Variants in TSGA10 observed in about 807,000 individuals in gnomAD.
The protein encoded by TSGA10 is testis-specific gene 10 protein.
Under a neutral mutation model 96.6 loss-of-function variants are expected in TSGA10, and 43 were observed. That is an observed-to-expected ratio of 0.44 (90% CI 0.35 to 0.57). The LOEUF (loss-of-function observed/expected upper bound fraction) is 0.57, where lower values mean the gene tolerates loss of function less well. Among genes scored for constraint, TSGA10 ranks in the 20% least tolerant of loss-of-function variants. The probability of loss-of-function intolerance (pLI) is 0.01; values close to 1 mark genes in which losing one functional copy is unlikely to be tolerated. For missense variants in TSGA10, 703 were observed against 834.4 expected, an observed-to-expected ratio of 0.84 and a Z score of 1.94; for synonymous variants, 229 against 269.9, an observed-to-expected ratio of 0.85 and a Z score of 1.48.
At chr2:99,047,100 A>T (rs575017612) in intron 16 of TSGA10, among the ~76,000 whole-genome samples, 48 of 152,272 alleles carry the variant, frequency 3.2e-4, no homozygotes, top group African/African-American at 1.1e-3. Flanking sequence ...CAATCAAAAA[A>T]AGTCCAGGAC....
intron 20 of TSGA10, among the ~76,000 whole-genome samples, chr2:99,001,812 C>G (rs2104786534): frequency 6.6e-6 from 1 of 152,252 alleles, no homozygotes; most frequent in South Asian, 2.1e-4. Context: ...GAGCTAAAAA[C>G]CATGGCGCGA....
intron 2 of TSGA10, among the ~76,000 whole-genome samples, chr2:99,122,909 G>T (rs1253727909): frequency 6.6e-6 from 1 of 152,238 alleles, no homozygotes; most frequent in South Asian, 2.1e-4. Flanking sequence ...TTTCTGGTTA[G>T]AGAAATACTT....
chr2:99,068,944 T>C lies in TSGA10; in HGVS notation c.1162A>G (p.Lys388Glu). ...THNELNDIKQ[K>E]VQDTNLEVNK... is the part of the protein sequence containing the mutation. The stretch of plus-strand genomic sequence containing the variant: ...ACCTCCAAATTAGTATCTTGAACCT[T>C]CTGTTTTATGTCATTAAGTTCATTA... The change falls in exon 15 of 21, where the codon AAG becomes GAG. Residue 388 changes from lysine (K) to glutamate (E), a missense_variant. Coordinates refer to ENST00000393483, the MANE Select transcript of TSGA10 (RefSeq NM_025244.4). The C allele has an allele frequency of 6.8e-7, 1 of 1,477,796 alleles. No individual in the cohort carries two copies. Among genetic ancestry groups the C allele is most frequent in the Non-Finnish European group, 8.9e-7 (1 of 1,119,498 alleles). The allele number at this position is 1,477,796 out of a possible 1,614,324, so 91.5% of individuals were successfully genotyped here. A position where few individuals can be genotyped will look rare whatever the true frequency, so the allele number is the denominator to read the frequency against.
chr2:99,078,267 G>A (rs1252397533), intron 12 of TSGA10, among the ~76,000 whole-genome samples: 13 of 85,130 alleles, frequency 1.5e-4, no homozygotes, highest in Admixed American at 4.5e-4. Flanking sequence ...GAAGACTCCC[G>A]TTTGAAAAAA....
chr2:99,087,235 G>C (rs151043716), intron 10 of TSGA10, among the ~76,000 whole-genome samples: 1 of 151,278 alleles, frequency 6.6e-6, no homozygotes, highest in Admixed American at 6.6e-5. Flanking sequence ...GGCCAGGCAC[G>C]GTAGCTAATG....
chr2:99,098,150 A>C (rs571763373), intron 10 of TSGA10, among the ~76,000 whole-genome samples: 124 of 152,246 alleles, frequency 8.1e-4, no homozygotes, highest in Non-Finnish European at 1.4e-3. Context: ...TTAGAAAAAA[A>C]GGCCTAGCCG....
Position 99,132,448 on chromosome 2 carries a change from G to A in TSGA10, c.-620-5272C>T, listed in dbSNP as rs148186602. On this transcript the variant is annotated intron_variant, in intron 1 of 20. Coordinates refer to ENST00000393483, the MANE Select transcript of TSGA10 (RefSeq NM_025244.4). ...TTATAGTATTCTCTGATGGTAGTTTGTATTTCTGTGGGATCAGTGGTAATA... is the reference window on the plus strand; with the variant it reads ...TTATAGTATTCTCTGATGGTAGTTTATATTTCTGTGGGATCAGTGGTAATA... Among the ~76,000 whole-genome samples the A allele has an allele frequency of 6.2e-3, 938 of 151,700 alleles. 13 individuals are homozygous for A. The highest frequency in any genetic ancestry group is 0.022 in the African/African-American group (908 of 41,422).
In TSGA10 at chr2:99,035,334, C is replaced by T. The variant is rs368760386; in HGVS notation, c.1510G>A (p.Ala504Thr). Residue 504 changes from alanine to threonine, a missense_variant, in exon 17 of 21, where the codon GCT (alanine) becomes ACT (threonine). This residue lies in a region of TSGA10 where 585 missense variants were observed against 656.8 expected (regional missense o/e 0.89). Transcript: ENST00000393483. ...LQKVQFEKVS[A>T]LADLSSTREL... ...CTAGTAGAAGACAAATCTGCAAGAG[C>T]GGACACTTTTTCAAACTGAACCTTC... 206 of 1,613,044 alleles carry T rather than the reference C, an allele frequency of 1.3e-4. No individual in the cohort carries two copies. The highest frequency in any genetic ancestry group is 3.4e-4 in the South Asian group (31 of 90,990).
At chr2:99,121,682 G>A (rs555417572) in intron 2 of TSGA10, among the ~76,000 whole-genome samples, 1 of 152,128 alleles carries the variant, frequency 6.6e-6, no homozygotes, top group African/African-American at 2.4e-5. Context: ...ATGTTGGCCA[G>A]GCCGGTCTTG....
chr2:99,059,077 T>TA (rs2084350379), intron 16 of TSGA10, among the ~76,000 whole-genome samples: 17 of 106,616 alleles, frequency 1.6e-4, no homozygotes, highest in African/African-American at 3.2e-4. Flanking sequence ...TATTTATATA[T>TA]TTTTATATAT....
intron 10 of TSGA10, among the ~76,000 whole-genome samples, chr2:99,095,092 T>G (rs1277758009): frequency 6.6e-6 from 1 of 152,180 alleles, no homozygotes; most frequent in Non-Finnish European, 1.5e-5. Flanking sequence ...ATAATCACAT[T>G]CGCAGCAACC....
chr2:99,143,809 C>A (rs2093602840), intron 1 of TSGA10, among the ~76,000 whole-genome samples: 1 of 152,034 alleles, frequency 6.6e-6, no homozygotes, highest in African/African-American at 2.4e-5. Context: ...CTTGCTCTCT[C>A]GTGACAGACA....
chr2:99,081,180 C>T (rs1028646928), intron 11 of TSGA10, 102 bp downstream of exon 11: 1 of 537,938 alleles, frequency 1.9e-6, no homozygotes, highest in Non-Finnish European at 3.1e-6. Context: ...TAGTTAAGGG[C>T]TTGTTTCCAA....
intron 17 of TSGA10, among the ~76,000 whole-genome samples, chr2:99,026,485 T>C (rs969191543): frequency 3.5e-4 from 54 of 152,208 alleles, no homozygotes; most frequent in African/African-American, 1.1e-3. Context: ...AGTGGCATGA[T>C]CTCGGCTCAC....
intron 1 of TSGA10, among the ~76,000 whole-genome samples, chr2:99,137,340 A>G (rs1270970513): frequency 6.6e-6 from 1 of 152,142 alleles, no homozygotes; most frequent in African/African-American, 2.4e-5. Context: ...TAGAATTTCA[A>G]CCTAAAAATT....
intron 1 of TSGA10, among the ~76,000 whole-genome samples, chr2:99,135,154 C>T (rs2093272266): frequency 6.6e-6 from 1 of 152,232 alleles, no homozygotes; most frequent in Non-Finnish European, 1.5e-5. Context: ...CAGGCAGGAA[C>T]ATTCAAGTCT....
chr2:99,112,895 T>C (rs546214730), intron 4 of TSGA10, among the ~76,000 whole-genome samples: 44 of 142,460 alleles, frequency 3.1e-4, no homozygotes, highest in Admixed American at 2.8e-3. Context: ...ACAAAGACTT[T>C]ACACAATGTC....
At chr2:99,078,515 A>T (rs2087027420) in intron 12 of TSGA10, 144 bp downstream of exon 12, 4 of 786,930 alleles carry the variant, frequency 5.1e-6, no homozygotes. Flanking sequence ...AATATTTCAA[A>T]GTCAGATTTT....
In TSGA10 at chr2:99,150,605, A is replaced by G. The variant is rs529608099; in HGVS notation, c.-621+4088T>C. 2.5e-6 allele frequency: 4 copies of G among 1,613,982 alleles called. No homozygotes were observed. In the South Asian group the frequency reaches 3.3e-5, roughly 13 times the overall value. ...TCTGCTACTCAGGTATCTGCTATAC[A>G]TATGGATTCAAAAGTGGATGATCAC... On this transcript the variant is annotated intron_variant, in intron 1 of 20. Transcript: ENST00000393483.
Sources: gnomAD v4.1 joint callset for allele counts (sites outside exome capture counted in the v4.1 genomes callset) on GRCh38, gnomAD v4.1.1 for gene constraint, gnomAD v4.1.1 regional missense constraint, MANE v1.5 for transcripts, NCBI Gene and HGNC (gene_info 2026-07-23, HGNC 2026-07-21) for gene names.